SUSD5: variants seen among roughly 807,000 people sequenced by gnomAD.
The protein encoded by SUSD5 is sushi domain-containing protein 5.
In SUSD5, 33 loss-of-function variants were observed where a neutral mutation model predicts 29.5. The observed-to-expected ratio is 1.12, with a 90% CI of 0.85 to 1.49. The LOEUF is 1.49. SUSD5 is among the 40% of genes most tolerant of loss of function. SUSD5 has a pLI of 0.00. For missense variants in SUSD5, 776 were observed against 800.6 expected, an observed-to-expected ratio of 0.97 and a Z score of 0.37; for synonymous variants, 308 against 325.3, an observed-to-expected ratio of 0.95 and a Z score of 0.57.
At chr3:33,163,430 T>C (rs2031235282) in intron 4 of SUSD5, among the ~76,000 whole-genome samples, 2 of 152,118 alleles carry the variant, frequency 1.3e-5, no homozygotes, top group Admixed American at 1.3e-4. Context: ...GAATTTATCA[T>C]TGGTTTAATA....
intron 4 of SUSD5, among the ~76,000 whole-genome samples, chr3:33,168,937 A>C (rs2031363541): frequency 6.6e-6 from 1 of 152,206 alleles, no homozygotes; most frequent in African/African-American, 2.4e-5. Context: ...GGCATGAGCC[A>C]CTGCACCTGG....
Position 33,165,089 on chromosome 3 carries a change from G to A in SUSD5, c.598+9797C>T, listed in dbSNP as rs113775420. Reference sequence around the variant, plus strand: ...ACTCTAGAGGAATACATGTAACATGGTCACCAAAAGACCTGTGCAAGAATG... The same window carrying A: ...ACTCTAGAGGAATACATGTAACATGATCACCAAAAGACCTGTGCAAGAATG... On this transcript the variant is annotated intron_variant, in intron 4 of 4. Coordinates refer to ENST00000309558, the MANE Select transcript of SUSD5 (RefSeq NM_015551.2). 4.1e-3 allele frequency among the ~76,000 whole-genome samples: 628 copies of A among 151,952 alleles called. 6 individuals are homozygous for A. Among genetic ancestry groups the A allele is most frequent in the African/African-American group, 0.015 (606 of 41,418 alleles).
Position 33,213,952 on chromosome 3 carries a change from C to A in SUSD5, c.266G>T (p.Gly89Val), listed in dbSNP as rs771617763. 6 of 1,604,550 alleles carry A rather than the reference C, an allele frequency of 3.7e-6. No individual in the cohort carries two copies. The South Asian group carries it at 5.6e-5, about 15-fold the overall frequency. The change falls in exon 2 of 5, where the codon GGC becomes GTC. Residue 89 changes from glycine (G) to valine (V), a missense_variant. Gly to Val is a moderately radical substitution (Grantham distance 109, BLOSUM62 -3). Coordinates refer to ENST00000309558, the MANE Select transcript of SUSD5 (RefSeq NM_015551.2). ...CCCAAGAGTACCATCTGCTAGCCAG[C>A]CAGTGGTGCACACCGCAAAGGAGCA... is the stretch of plus-strand genomic sequence containing the variant. ...QDCSFAVCTTGWLADGTLGTT... is the reference protein window; with the variant it reads ...QDCSFAVCTTVWLADGTLGTT...
Position 33,153,592 on chromosome 3 carries a change from G to A in SUSD5, c.1040C>T (p.Ser347Leu), listed in dbSNP as rs113725248. Reference protein sequence around the residue: ...KVIYGNTDGPSGPFVGKNDSK... With the variant: ...KVIYGNTDGPLGPFVGKNDSK... ...GTCATTCTTGCCCACAAATGGCCCC[G>A]AGGGACCATCAGTGTTGCCGTAGAT... Residue 347 changes from serine to leucine, a missense_variant, in exon 5 of 5, where the codon TCG becomes TTG. By Grantham distance (145) the Ser-to-Leu change is moderately radical. Coordinates refer to ENST00000309558, the MANE Select transcript of SUSD5 (RefSeq NM_015551.2). 214 of 1,613,956 alleles carry A rather than the reference G, an allele frequency of 1.3e-4. 1 individual carries two copies. The African/African-American group carries it at 2.4e-3, about 18-fold the overall frequency.
chr3:33,211,033 C>T (rs1402416872), intron 2 of SUSD5, among the ~76,000 whole-genome samples: 4 of 151,994 alleles, frequency 2.6e-5, no homozygotes, highest in Non-Finnish European at 5.9e-5. Context: ...ACCACCATGC[C>T]CAGCTAAGTT....
chr3:33,213,885 T>A, intron 2 of SUSD5, 43 bp downstream of exon 2: 1 of 1,551,876 alleles, frequency 6.4e-7, no homozygotes, highest in South Asian at 1.2e-5. Context: ...GCCTTGGTGG[T>A]GCAACTGGGG....
At chr3:33,176,790 T>C (rs932564340) in intron 3 of SUSD5, among the ~76,000 whole-genome samples, 2 of 152,220 alleles carry the variant, frequency 1.3e-5, no homozygotes, top group Non-Finnish European at 2.9e-5. Flanking sequence ...AAGGTCTGCG[T>C]CTAGGTAATC....
chr3:33,173,991 G>A (rs2031491250), intron 4 of SUSD5, among the ~76,000 whole-genome samples: 1 of 152,198 alleles, frequency 6.6e-6, no homozygotes, highest in Non-Finnish European at 1.5e-5. Context: ...CAGGGGTTAA[G>A]GAGGCTGCAG....
chr3:33,153,563 T>C lies in SUSD5; in HGVS notation c.1069A>G (p.Lys357Glu). ...CTGCTCACCACTGGATCTCCTGCCT[T>C]GCTGTCATTCTTGCCCACAAATGGC... Reference protein sequence around the residue: ...SGPFVGKNDSKAGDPVVSSSD... With the variant: ...SGPFVGKNDSEAGDPVVSSSD... The change falls in exon 5 of 5, where the codon AAG (lysine) becomes GAG (glutamate). Residue 357 changes from lysine (K) to glutamate (E), a missense_variant. Transcript: ENST00000309558. 6.2e-7 allele frequency: 1 copy of C among 1,614,064 alleles called. No homozygotes were observed. The highest frequency in any genetic ancestry group is 8.5e-7 in the Non-Finnish European group (1 of 1,179,924).
At chr3:33,163,780 G>A (rs557852765) in intron 4 of SUSD5, among the ~76,000 whole-genome samples, 4 of 152,188 alleles carry the variant, frequency 2.6e-5, no homozygotes, top group South Asian at 4.2e-4. Context: ...GGCGGATCAC[G>A]AGGTCAGGAG....
intron 4 of SUSD5, among the ~76,000 whole-genome samples, chr3:33,157,467 C>T (rs1012214490): frequency 6.6e-6 from 1 of 152,154 alleles, no homozygotes; most frequent in Non-Finnish European, 1.5e-5. Flanking sequence ...AAAGTCATGA[C>T]GTATATCTTT....
intron 4 of SUSD5, among the ~76,000 whole-genome samples, chr3:33,161,967 TAATA>T (rs1287174813): frequency 6.6e-6 from 1 of 152,162 alleles, no homozygotes; most frequent in Non-Finnish European, 1.5e-5. Flanking sequence ...ACAACACATT[TAATA>T]AATATGACTT....
chr3:33,155,749 T>C (rs925033034), intron 4 of SUSD5, among the ~76,000 whole-genome samples: 1 of 152,358 alleles, frequency 6.6e-6, no homozygotes, highest in South Asian at 2.1e-4. Context: ...ATGAATTGCA[T>C]GGCCATAATG....
intron 1 of SUSD5, among the ~76,000 whole-genome samples, chr3:33,218,351 C>T (rs1242244176): frequency 1.3e-5 from 2 of 152,212 alleles, no homozygotes; most frequent in African/African-American, 4.8e-5. Context: ...CGGAAAATCA[C>T]CCCTTAGCAG....
Position 33,167,391 on chromosome 3 carries a change from GTGTT to G in SUSD5, c.598+7491_598+7494del, listed in dbSNP as rs777334985. On this transcript the variant is annotated intron_variant, in intron 4 of 4. Coordinates refer to ENST00000309558, the MANE Select transcript of SUSD5 (RefSeq NM_015551.2). This position sits in a 1 kb window ranked among gnomAD's most constrained non-coding sequence, Gnocchi z 4.1. ...TGGACACTTACAGTCTGAACTATGT[GTGTT>G]TGTTTGTGTGCATGCATGCGTGTGT... is the stretch of plus-strand genomic sequence containing the variant. Among the ~76,000 whole-genome samples, 73 of 152,102 alleles carry G rather than the reference GTGTT, an allele frequency of 4.8e-4. No individual in the cohort carries two copies. The highest frequency in any genetic ancestry group is 6.7e-4 in the African/African-American group (28 of 41,514).
At chr3:33,161,844 A>T (rs1481768604) in intron 4 of SUSD5, among the ~76,000 whole-genome samples, 1 of 152,224 alleles carries the variant, frequency 6.6e-6, no homozygotes, top group African/African-American at 2.4e-5. Context: ...GGAATCTAAC[A>T]GACATGAACT....
chr3:33,169,036 C>A (rs1478567201), intron 4 of SUSD5, among the ~76,000 whole-genome samples: 1 of 152,138 alleles, frequency 6.6e-6, no homozygotes, highest in Non-Finnish European at 1.5e-5. Context: ...CCTCAGTGTT[C>A]CCATCTATAA....
rs573391949 is a variant in SUSD5, at chr3:33,175,034, G to T, written c.450C>A (p.Ile150=). ...TTTCCAAGCCGGTGCGGCCCTGCAG[G>T]ATGGTGTGTGGGAACGAAGGCGGGT... ...CGDPPSFPHT[I]LQGRTGLEMG... is the part of the protein sequence containing the mutation. The change falls in exon 4 of 5, where the codon ATC becomes ATA. Residue 150 remains isoleucine (I), a synonymous_variant. Transcript: ENST00000309558. The T allele has an allele frequency of 1.2e-6, 2 of 1,613,916 alleles. No homozygotes were observed. The highest frequency in any genetic ancestry group is 1.7e-6 in the Non-Finnish European group (2 of 1,179,906).
At chr3:33,213,414 A>G (rs1487816545) in intron 2 of SUSD5, among the ~76,000 whole-genome samples, 1 of 152,184 alleles carries the variant, frequency 6.6e-6, no homozygotes, top group Non-Finnish European at 1.5e-5. Context: ...TAAAACAAAA[A>G]AAGAAAATTC....
Sources: allele counts gnomAD v4.1 joint callset (sites outside exome capture counted in the v4.1 genomes callset), GRCh38; gene constraint gnomAD v4.1.1; non-coding constraint Gnocchi (gnomAD v3.1); transcripts MANE v1.5; gene names NCBI Gene and HGNC (gene_info 2026-07-23, HGNC 2026-07-21).